Variants in COG4 observed in about 807,000 individuals in gnomAD.
The protein encoded by COG4 is conserved oligomeric Golgi complex subunit 4.
Under a neutral mutation model 95.1 loss-of-function variants are expected in COG4, and 65 were observed. The observed-to-expected ratio is 0.68, with a 90% CI of 0.56 to 0.84. The LOEUF is 0.84. COG4 is among the 40% of genes least tolerant of loss of function. The probability of loss-of-function intolerance (pLI) is 0.00; values close to 1 mark genes in which losing one functional copy is unlikely to be tolerated. For synonymous variants in COG4, 421 were observed against 374.8 expected (o/e 1.12, Z -1.42); for missense variants, 1,045 against 989.1 (o/e 1.06, Z -0.76).
Position 70,510,022 on chromosome 16 carries a change from C to G in COG4, c.739-1G>C, listed in dbSNP as rs1367967376. On this transcript the variant is annotated splice_acceptor_variant, in intron 5 of 18. Coordinates refer to ENST00000323786, the MANE Select transcript of COG4 (RefSeq NM_015386.3). LOFTEE classifies it high-confidence loss of function. ...GATTCTCCTCAGCTTTACTGGCCAC[C>G]TAAAAAAGGAGAAAACCCACACACA... 2 of 1,613,026 alleles carry G rather than the reference C, an allele frequency of 1.2e-6. No homozygotes were observed.
At chr16:70,517,826 C>G in intron 2 of COG4, 86 bp from the exon 3 acceptor site, 1 of 816,666 alleles carries the variant, frequency 1.2e-6, no homozygotes. Context: ...ACTATGTCTT[C>G]TACTTCTTTC....
At chr16:70,491,520 C>CCAAAA (rs1365829104) in intron 12 of COG4, among the ~76,000 whole-genome samples, 1 of 54,838 alleles carries the variant, frequency 1.8e-5, no homozygotes, top group African/African-American at 9.2e-5. Flanking sequence ...GACTCTGTCT[C>CCAAAA]AAAAAAAAAA....
intron 10 of COG4, 80 bp downstream of exon 10, chr16:70,497,857 T>C (rs2049372212): frequency 1.2e-6 from 1 of 850,824 alleles, no homozygotes; most frequent in Non-Finnish European, 2.1e-6. Context: ...CCAATAAATA[T>C]GACATGCCTC....
Position 70,505,140 on chromosome 16 carries a change from G to A in COG4, c.1061+3266C>T, listed in dbSNP as rs76336564. 7.9e-5 allele frequency among the ~76,000 whole-genome samples: 12 copies of A among 151,664 alleles called. No individual in the cohort carries two copies. The East Asian group carries it at 2.3e-3, about 29-fold the overall frequency. On this transcript the variant is annotated intron_variant, in intron 8 of 18. Transcript: ENST00000323786. Reference sequence around the variant, plus strand: ...TTGCCATATCAAGGACTAGTATCTGGCACATGTGTACTCAGTAAAACTTTG... The same window carrying A: ...TTGCCATATCAAGGACTAGTATCTGACACATGTGTACTCAGTAAAACTTTG...
In COG4 at chr16:70,497,956, A is replaced by G; in HGVS notation, c.1295T>C (p.Met432Thr). The change falls in exon 10 of 19, where the codon ATG (methionine) becomes ACG (threonine). Residue 432 changes from methionine to threonine, a missense_variant. Physicochemically the swap from Met to Thr is moderately conservative, Grantham distance 81 (BLOSUM62 -1). Transcript: ENST00000323786. ...TCCTACCTTATTGACAGTCTCCCTC[A>G]TGAAGTACTCCTCCATGGTAACATA... ...GLYVTMEEYFMRETVNKAVAL... is the reference protein window; with the variant it reads ...GLYVTMEEYFTRETVNKAVAL... 6.2e-7 allele frequency: 1 copy of G among 1,600,842 alleles called. No individual in the cohort carries two copies. The highest frequency in any genetic ancestry group is 8.6e-7 in the Non-Finnish European group (1 of 1,167,896).
intron 13 of COG4, 62 bp downstream of exon 13, chr16:70,490,268 G>A (rs762574206): frequency 7.7e-7 from 1 of 1,306,376 alleles, no homozygotes; most frequent in Non-Finnish European, 1.1e-6. Flanking sequence ...TGTTTGTATA[G>A]GGCTCTATCT....
intron 11 of COG4, among the ~76,000 whole-genome samples, 182 bp from the exon 12 acceptor site, chr16:70,496,613 A>C (rs981024001): frequency 6.6e-6 from 1 of 152,188 alleles, no homozygotes; most frequent in African/African-American, 2.4e-5. Context: ...GCACCCCGTC[A>C]AGGACACTGA....
chr16:70,496,200 G>A, intron 12 of COG4, 66 bp downstream of exon 12: 1 of 1,552,266 alleles, frequency 6.4e-7, no homozygotes, highest in South Asian at 1.1e-5. Flanking sequence ...TTATACTGTG[G>A]CTTAGCAGTG....
chr16:70,481,043 G>T lies in COG4; in HGVS notation c.2337C>A (p.Phe779Leu). 6.2e-7 allele frequency: 1 copy of T among 1,613,218 alleles called. No individual in the cohort carries two copies. The highest frequency in any genetic ancestry group is 8.5e-7 in the Non-Finnish European group (1 of 1,180,038). The change falls in exon 19 of 19, where the codon TTC becomes TTA. Residue 779 changes from phenylalanine (F) to leucine (L), a missense_variant. Physicochemically the swap from Phe to Leu is conservative, Grantham distance 22. Transcript: ENST00000323786. ...VRQVLALRID[F>L]RSEDIKRLRL ...GCAGCCTCTTGATATCTTCACTGCG[G>T]AAGTCTATCCGCAGGGCCAGCACCT...
Position 70,509,789 on chromosome 16 carries a change from A to G in COG4, c.844+127T>C, listed in dbSNP as rs573479398. The G allele has an allele frequency of 1.5e-5, 11 of 741,896 alleles. No homozygotes were observed. The South Asian group carries it at 1.7e-4, about 11-fold the overall frequency. The allele number at this position is 741,896 out of a possible 1,614,324, so 46.0% of individuals were successfully genotyped here. ...AATCTGGAAGTTATTTAATTCTCCA[A>G]TCAATTAATACACAATAAACTACAT... On this transcript the variant is annotated intron_variant, in intron 6 of 18. Coordinates refer to ENST00000323786, the MANE Select transcript of COG4 (RefSeq NM_015386.3).
intron 11 of COG4, 109 bp downstream of exon 11, chr16:70,497,112 G>A (rs1159642630): frequency 9.1e-7 from 1 of 1,097,238 alleles, no homozygotes; most frequent in Non-Finnish European, 1.4e-6. Context: ...CTGATGTCCT[G>A]TATAGAACTT....
At chr16:70,492,269 A>G (rs946938336) in intron 12 of COG4, among the ~76,000 whole-genome samples, 8 of 152,160 alleles carry the variant, frequency 5.3e-5, no homozygotes, top group African/African-American at 1.9e-4. Context: ...CAAATAAACT[A>G]AAAAAATGAA....
intron 2 of COG4, 56 bp downstream of exon 2, chr16:70,519,593 G>T: frequency 7.6e-7 from 1 of 1,314,720 alleles, no homozygotes; most frequent in Non-Finnish European, 1.1e-6. Context: ...ATGGTCACTT[G>T]TCCAATTGAC....
At chr16:70,492,667 A>G (rs1438132035) in intron 12 of COG4, among the ~76,000 whole-genome samples, 1 of 151,026 alleles carries the variant, frequency 6.6e-6, no homozygotes, top group African/African-American at 2.4e-5. Context: ...GTCTCAAAAA[A>G]AAAAAAAAAG....
intron 7 of COG4, chr16:70,508,960 T>C (rs1486951168): frequency 3.6e-6 from 2 of 554,056 alleles, no homozygotes; most frequent in Admixed American, 2.8e-5. Flanking sequence ...CATTTTGTGA[T>C]AGAGAACTGG....
At chr16:70,484,643 G>C (rs2049090804) in intron 13 of COG4, among the ~76,000 whole-genome samples, 1 of 152,216 alleles carries the variant, frequency 6.6e-6, no homozygotes, top group Admixed American at 6.5e-5. Flanking sequence ...GCTCATGCGG[G>C]TAATTCTAGC....
At chr16:70,492,103 T>A (rs1012071398) in intron 12 of COG4, among the ~76,000 whole-genome samples, 1 of 152,192 alleles carries the variant, frequency 6.6e-6, no homozygotes, top group Non-Finnish European at 1.5e-5. Flanking sequence ...GAGCCAGGCT[T>A]AGAATTCGGG....
At chr16:70,511,774 A>G (rs1286330518) in intron 5 of COG4, among the ~76,000 whole-genome samples, 1 of 152,002 alleles carries the variant, frequency 6.6e-6, no homozygotes, top group African/African-American at 2.4e-5. Context: ...CTCTACTAAA[A>G]ATACAAAATT....
At chr16:70,520,963 C>T (rs886343487) in intron 1 of COG4, among the ~76,000 whole-genome samples, 2 of 152,168 alleles carry the variant, frequency 1.3e-5, no homozygotes, top group African/African-American at 2.4e-5. Context: ...ATTAACCATA[C>T]ATTTTTATTT....
Sources: gnomAD v4.1 joint callset for allele counts (sites outside exome capture counted in the v4.1 genomes callset) on GRCh38, gnomAD v4.1.1 for gene constraint, MANE v1.5 for transcripts, NCBI Gene and HGNC (gene_info 2026-07-23, HGNC 2026-07-21) for gene names.